The following ZNF473 variants were observed in gnomAD, a reference collection of about 807,000 sequenced individuals.
ZNF473 encodes the protein zinc finger protein 473.
A neutral mutation model predicts 11.1 loss-of-function variants in ZNF473; 4 were observed. That is an observed-to-expected ratio of 0.36 (90% CI 0.18 to 0.82). The LOEUF (loss-of-function observed/expected upper bound fraction) is 0.82. ZNF473 is among the 40% of genes least tolerant of loss of function. The pLI is 0.49. For synonymous variants in ZNF473, 404 were observed against 390.4 expected, an observed-to-expected ratio of 1.03 and a Z score of -0.41; for missense variants, 854 against 1,084.0, an observed-to-expected ratio of 0.79 and a Z score of 2.98.
Position 50,045,519 on chromosome 19 carries a change from G to A in ZNF473, c.1076G>A (p.Arg359Lys), listed in dbSNP as rs1358148276. ...CSKCQATFNLRKHLIQHQKTH... is the reference protein window; with the variant it reads ...CSKCQATFNLKKHLIQHQKTH... ...AAGTGCCAGGCGACCTTCAACTTGA[G>A]AAAACACCTCATCCAACATCAGAAA... Residue 359 changes from arginine (R) to lysine (K), a missense_variant, in exon 5 of 5, where the codon AGA becomes AAA. This residue lies in a region of ZNF473 where 668 missense variants were observed against 790.2 expected (regional missense o/e 0.85). Transcript: ENST00000270617. The A allele has an allele frequency of 5.6e-6, 9 of 1,614,042 alleles. No homozygotes were observed. Among genetic ancestry groups the A allele is most frequent in the Non-Finnish European group, 7.6e-6 (9 of 1,180,040 alleles).
At chr19:50,032,892 C>G (rs895601556) in intron 2 of ZNF473, among the ~76,000 whole-genome samples, 1 of 152,210 alleles carries the variant, frequency 6.6e-6, no homozygotes, top group Non-Finnish European at 1.5e-5. Context: ...TGTATCTTCA[C>G]ATTGTCTTCC....
rs550826472 is a variant in ZNF473 at position 50,039,624 on chromosome 19, A to G, written c.136+337A>G. On this transcript the variant is annotated intron_variant, in intron 3 of 4. Transcript: ENST00000270617. The surrounding 1 kb of genome is among the most constrained non-coding windows in gnomAD (Gnocchi z 4.8). ...CCTGGGAAACCCTGCTCTGGCCCCT[A>G]TCTGCCTCCCCAGCCTTGTCTTCAC... Among the ~76,000 whole-genome samples the G allele has an allele frequency of 6.6e-6, 1 of 152,358 alleles. No individual in the cohort carries two copies. The highest frequency in any genetic ancestry group is 6.5e-5 in the Admixed American group (1 of 15,308).
chr19:50,028,126 G>A (rs1054907418), intron 1 of ZNF473, among the ~76,000 whole-genome samples: 31 of 151,890 alleles, frequency 2.0e-4, no homozygotes, highest in Admixed American at 1.2e-3. Flanking sequence ...GTGAAACTCC[G>A]TCTCTACTAA....
chr19:50,036,781 T>G (rs1978472442), intron 2 of ZNF473, among the ~76,000 whole-genome samples: 1 of 152,158 alleles, frequency 6.6e-6, no homozygotes, highest in Non-Finnish European at 1.5e-5. Flanking sequence ...CGTTGTGCCA[T>G]TTTAGGGCTC....
In ZNF473 at chr19:50,042,958, C is replaced by T. The variant is rs564174689; in HGVS notation, c.226+1139C>T. Among the ~76,000 whole-genome samples the T allele has an allele frequency of 2.0e-5, 3 of 152,230 alleles. No individual in the cohort carries two copies. In the South Asian group the frequency reaches 6.2e-4, roughly 32 times the overall value. ...AGGCTTTCATTTGCAAGTTTTAATT[C>T]CAGGCAGAGAGACTTTAAGCAGTCT... On this transcript the variant is annotated intron_variant, in intron 4 of 4. Coordinates refer to ENST00000270617, the MANE Select transcript of ZNF473 (RefSeq NM_015428.4).
chr19:50,046,978 A>G lies in ZNF473; in HGVS notation c.2535A>G (p.Gln845=), dbSNP rs546638651. ...CCCAGGAGACACTTTATCAGTGTCA[A>G]CGTTGCCAGAAAGCCTTTCGGTGCC... The part of the protein sequence containing the change: ...VHTQETLYQC[Q]RCQKAFRCHS... Residue 845 remains glutamine, a synonymous_variant, in exon 5 of 5, where the codon CAA becomes CAG. Coordinates refer to ENST00000270617, the MANE Select transcript of ZNF473 (RefSeq NM_015428.4). The surrounding 1 kb of genome is among the most constrained non-coding windows in gnomAD (Gnocchi z 5.9). 137 of 1,614,180 alleles carry G rather than the reference A, an allele frequency of 8.5e-5. 2 individuals are homozygous for G. In the South Asian group the frequency reaches 1.2e-3, roughly 15 times the overall value.
rs2077314633 is a variant in ZNF473 at position 50,030,974 on chromosome 19, G to A, written c.-109G>A. The A allele has an allele frequency of 7.4e-6, 11 of 1,484,318 alleles. No homozygotes were observed. The highest frequency in any genetic ancestry group is 1.0e-5 in the Non-Finnish European group (11 of 1,087,310). The allele number at this position is 1,484,318 out of a possible 1,614,324, so 91.9% of individuals were successfully genotyped here. A position where few individuals can be genotyped will look rare whatever the true frequency, so the allele number is the denominator to read the frequency against. On this transcript the variant is annotated 5_prime_UTR_variant, in exon 2 of 5. Transcript: ENST00000270617. Reference sequence around the variant, plus strand: ...ATGGACAGCGAGTCAGCCATGGGTGGAAGGGAGGCTTTCTCACAGCTCCCT... The same window carrying A: ...ATGGACAGCGAGTCAGCCATGGGTGAAAGGGAGGCTTTCTCACAGCTCCCT...
chr19:50,043,640 C>T (rs765961349), intron 4 of ZNF473, among the ~76,000 whole-genome samples: 7 of 151,834 alleles, frequency 4.6e-5, no homozygotes, highest in East Asian at 3.9e-4. Context: ...GAATCTTTCT[C>T]GTGGCCGCCT....
At chr19:50,034,849 A>C (rs1290420732) in intron 2 of ZNF473, among the ~76,000 whole-genome samples, 1 of 152,174 alleles carries the variant, frequency 6.6e-6, no homozygotes, top group African/African-American at 2.4e-5. Context: ...GATTAGACTC[A>C]TGGTCAATCC....
Position 50,045,140 on chromosome 19 carries a change from A to G in ZNF473, c.697A>G (p.Arg233Gly), listed in dbSNP as rs2122855718. ...RLTQHWITHT[R>G]EKPTVHQECE... ...TACCCAGCACTGGATCACTCATACT[A>G]GGGAGAAACCCACTGTCCATCAAGA... Residue 233 changes from arginine (R) to glycine (G), a missense_variant, in exon 5 of 5, where the codon AGG becomes GGG. Arg to Gly is a moderately radical substitution (Grantham distance 125). This residue lies in a region of ZNF473 where 668 missense variants were observed against 790.2 expected (regional missense o/e 0.85). Transcript: ENST00000270617. 6.2e-7 allele frequency: 1 copy of G among 1,614,220 alleles called. No individual in the cohort carries two copies. Among genetic ancestry groups the G allele is most frequent in the South Asian group, 1.1e-5 (1 of 91,090 alleles).
In ZNF473 at chr19:50,046,103, A is replaced by G; in HGVS notation, c.1660A>G (p.Asn554Asp). ...TGTGAGTGGGAAGATCTTGGATCAGAACCCAGAACAGAAAGAGAAGTGCTT... is the reference window on the plus strand; with the variant it reads ...TGTGAGTGGGAAGATCTTGGATCAGGACCCAGAACAGAAAGAGAAGTGCTT... ...FFVSGKILDQ[N>D]PEQKEKCFKC... Residue 554 changes from asparagine (N) to aspartate (D), a missense_variant, in exon 5 of 5, where the codon AAC becomes GAC. Physicochemically the swap from Asn to Asp is conservative, Grantham distance 23 (BLOSUM62 1). Around this residue, in one of 2 missense-constraint regions of ZNF473, gnomAD observed 668 missense variants for 790.2 expected, o/e 0.85. Transcript: ENST00000270617. This position sits in a 1 kb window ranked among gnomAD's most constrained non-coding sequence, Gnocchi z 5.9. 1 of 1,614,242 alleles carries G rather than the reference A, an allele frequency of 6.2e-7. No homozygotes were observed.
intron 4 of ZNF473, 39 bp from the exon 5 acceptor site, chr19:50,044,631 C>T (rs750482003): frequency 1.3e-6 from 2 of 1,521,748 alleles, no homozygotes; most frequent in Admixed American, 1.9e-5. Flanking sequence ...TGTGTTCTCA[C>T]CCTTAGTGAA....
intron 2 of ZNF473, among the ~76,000 whole-genome samples, chr19:50,032,894 T>C (rs1193052866): frequency 1.3e-5 from 2 of 152,196 alleles, no homozygotes; most frequent in Non-Finnish European, 2.9e-5. Flanking sequence ...TATCTTCACA[T>C]TGTCTTCCCT....
intron 3 of ZNF473, 189 bp from the exon 4 acceptor site, chr19:50,041,541 T>C (rs1978767738): frequency 2.4e-6 from 1 of 422,136 alleles, no homozygotes; most frequent in Non-Finnish European, 4.3e-6. Context: ...TGGCTCCCTC[T>C]CCATCACTGG....
intron 4 of ZNF473, among the ~76,000 whole-genome samples, chr19:50,044,419 A>AACTTGGTCAGTCACTTAGGTG (rs1978948583): frequency 1.3e-5 from 2 of 152,206 alleles, no homozygotes; most frequent in East Asian, 3.9e-4. Context: ...TTTTTTAGGG[A>AACTTGGTCAGTCACTTAGGTG]ACTTGGTCAG....
chr19:50,026,924 T>C (rs777177985), intron 1 of ZNF473, among the ~76,000 whole-genome samples: 7 of 152,096 alleles, frequency 4.6e-5, no homozygotes, highest in Non-Finnish European at 1.0e-4. Context: ...AGTTGGCAAA[T>C]TTAGGCAGAA....
chr19:50,036,949 A>G (rs1340592502), intron 2 of ZNF473, among the ~76,000 whole-genome samples: 3 of 152,220 alleles, frequency 2.0e-5, no homozygotes, highest in Non-Finnish European at 4.4e-5. Flanking sequence ...ACTTGGAGAA[A>G]GTGACTATTT....
At chr19:50,038,916 G>T (rs1168365309) in intron 2 of ZNF473, among the ~76,000 whole-genome samples, 1 of 152,166 alleles carries the variant, frequency 6.6e-6, no homozygotes, top group Non-Finnish European at 1.5e-5. Context: ...GGCAGACCTG[G>T]GTTCAGTCCC....
At chr19:50,042,345 G>A (rs1469461) in intron 4 of ZNF473, 8,613 of 152,334 alleles carry the variant, frequency 0.057, 516 homozygotes, top group East Asian at 0.27. Flanking sequence ...TAGGTGGTGA[G>A]GATTCCTGGG....
Sources: gnomAD v4.1 joint callset for allele counts (sites outside exome capture counted in the v4.1 genomes callset) on GRCh38, gnomAD v4.1.1 for gene constraint, gnomAD v4.1.1 regional missense constraint, Gnocchi (gnomAD v3.1) non-coding constraint, MANE v1.5 for transcripts, NCBI Gene and HGNC (gene_info 2026-07-23, HGNC 2026-07-21) for gene names.